Variants in GCN1 observed in about 807,000 individuals in gnomAD.
GCN1 encodes GCN1 activator of EIF2AK4, also known as stalled ribosome sensor GCN1.
In GCN1, 90 loss-of-function variants were observed where a neutral mutation model predicts 288.4. The observed-to-expected ratio is 0.31, with a 90% CI of 0.26 to 0.37. GCN1 has a LOEUF of 0.37. GCN1 is among the 10% of genes least tolerant of loss of function. The pLI is 1.00. For synonymous variants in GCN1, 1,386 were observed against 1,420.2 expected (o/e 0.98, Z 0.54); for missense variants, 2,586 against 3,419.9 (o/e 0.76, Z 6.08).
chr12:120,127,714 G>A lies in GCN1; in HGVS notation c.*135C>T. 5.3e-6 allele frequency: 5 copies of A among 950,686 alleles called. No individual in the cohort carries two copies. The highest frequency in any genetic ancestry group is 8.0e-6 in the Non-Finnish European group (5 of 627,356). 58.9% of individuals were successfully genotyped at this position (950,686 alleles called of 1,614,324 possible). ...TGTGTGGGTTTGATTTAAGGCTTTG[G>A]CTGTGGTCTATTGATATTAAAATAC... On this transcript the variant is annotated 3_prime_UTR_variant, in exon 58 of 58. Transcript: ENST00000300648.
intron 31 of GCN1, 36 bp downstream of exon 31, chr12:120,154,934 A>T (rs1025638117): frequency 6.4e-7 from 1 of 1,572,456 alleles, no homozygotes; most frequent in African/African-American, 1.3e-5. Context: ...CATCTCACAA[A>T]GCTTGGAGTA....
At chr12:120,193,849 T>C (rs183984322) in intron 1 of GCN1, among the ~76,000 whole-genome samples, 1 of 152,344 alleles carries the variant, frequency 6.6e-6, no homozygotes, top group Non-Finnish European at 1.5e-5. Flanking sequence ...GTGGTCATTT[T>C]CTGGGCCTAC....
intron 4 of GCN1, 100 bp from the exon 5 acceptor site, chr12:120,183,777 C>A: frequency 1.4e-6 from 1 of 736,440 alleles, no homozygotes; most frequent in Non-Finnish European, 2.4e-6. Context: ...ACCCTCCCTT[C>A]ACCTCATGGA....
rs773477176 is a variant in GCN1, at chr12:120,155,458, T to G, written c.3441-28A>C. 1.9e-6 allele frequency: 3 copies of G among 1,608,636 alleles called. No individual in the cohort carries two copies. Among genetic ancestry groups the G allele is most frequent in the Non-Finnish European group, 1.7e-6 (2 of 1,176,116 alleles). ...GTGGGAGATCCAAGGCAGGGGCTGC[T>G]TAGACAAAGATCTGCAGCACTTGCC... On this transcript the variant is annotated intron_variant, in intron 29 of 57. Coordinates refer to ENST00000300648, the MANE Select transcript of GCN1 (RefSeq NM_006836.2). The surrounding 1 kb of genome is among the most constrained non-coding windows in gnomAD (Gnocchi z 4.9).
rs763874347 is a variant in GCN1, at chr12:120,148,177, C to T, written c.4716G>A (p.Pro1572=). ...ACGGGAAAGGCCTACCCAGGATCTC[C>T]GGGTTCCTGATAACGGAGCCGATCT... ...LRQIGSVIRN[P]EILAIAPVLL... is the part of the protein sequence containing the mutation. The change falls in exon 37 of 58, where the codon CCG becomes CCA. Residue 1572 remains proline, a synonymous_variant. Coordinates refer to ENST00000300648, the MANE Select transcript of GCN1 (RefSeq NM_006836.2). The T allele has an allele frequency of 9.9e-6, 16 of 1,611,828 alleles. No homozygotes were observed. Among genetic ancestry groups the T allele is most frequent in the Middle Eastern group, 1.7e-4 (1 of 6,024 alleles).
chr12:120,179,942 G>C (rs1444678429), intron 5 of GCN1, among the ~76,000 whole-genome samples: 1 of 152,118 alleles, frequency 6.6e-6, no homozygotes. Flanking sequence ...TCTTGATATG[G>C]GGATTCGAAC....
chr12:120,193,851 T>C (rs1879084586), intron 1 of GCN1, among the ~76,000 whole-genome samples: 1 of 152,236 alleles, frequency 6.6e-6, no homozygotes, highest in Non-Finnish European at 1.5e-5. Flanking sequence ...GGTCATTTTC[T>C]GGGCCTACAC....
Position 120,156,419 on chromosome 12 carries a change from G to T in GCN1, c.3312+42C>A. The T allele has an allele frequency of 1.3e-6, 2 of 1,596,996 alleles. No homozygotes were observed. On this transcript the variant is annotated intron_variant, in intron 28 of 57. Coordinates refer to ENST00000300648, the MANE Select transcript of GCN1 (RefSeq NM_006836.2). The surrounding 1 kb of genome is among the most constrained non-coding windows in gnomAD (Gnocchi z 5.8). ...ATCATGCAATTTGCACTTGCATAGA[G>T]TGACAAGGGACACTGCAGTGGCTCT...
At chr12:120,141,174 C>T in intron 44 of GCN1, 151 bp from the exon 45 acceptor site, 1 of 662,534 alleles carries the variant, frequency 1.5e-6, no homozygotes, top group Non-Finnish European at 2.6e-6. Flanking sequence ...AAAGAGCCCC[C>T]AAATACTCTC....
intron 1 of GCN1, among the ~76,000 whole-genome samples, chr12:120,191,400 T>C (rs1316710718): frequency 6.6e-6 from 1 of 152,176 alleles, no homozygotes; most frequent in Admixed American, 6.5e-5. Flanking sequence ...TCCCTGAAAA[T>C]CTGCTCTTGA....
intron 1 of GCN1, among the ~76,000 whole-genome samples, chr12:120,193,533 G>A (rs1879075108): frequency 6.6e-6 from 1 of 152,222 alleles, no homozygotes; most frequent in Non-Finnish European, 1.5e-5. Flanking sequence ...TCAAACTCCT[G>A]ACCTCAACTG....
chr12:120,157,051 G>A (rs556892166), intron 26 of GCN1, 59 bp from the exon 27 acceptor site: 12 of 1,168,134 alleles, frequency 1.0e-5, no homozygotes, highest in East Asian at 4.7e-5. Context: ...TAACCCAGGC[G>A]GCCAACGGCA....
At position 120,145,345 on chromosome 12, in the gene GCN1, G is replaced by T; in HGVS notation, c.4948-15C>A. 6.4e-7 allele frequency: 1 copy of T among 1,558,246 alleles called. No individual in the cohort carries two copies. The highest frequency in any genetic ancestry group is 1.2e-5 in the South Asian group (1 of 82,366). On this transcript the variant is annotated splice_polypyrimidine_tract_variant and intron_variant, in intron 38 of 57. Transcript: ENST00000300648. ...GGAGCCAAGTCCTGCAACAACACAG[G>T]AGGCGGCTCAGGTGAGGCCCGACTC...
intron 38 of GCN1, 131 bp downstream of exon 38, chr12:120,146,921 T>C (rs1877381633): frequency 3.8e-6 from 2 of 528,464 alleles, no homozygotes; most frequent in South Asian, 1.2e-4. Flanking sequence ...AAATGGCTCA[T>C]TTCTCCCCAT....
chr12:120,144,926 G>C lies in GCN1; in HGVS notation c.5152C>G (p.Gln1718Glu), dbSNP rs1877316336. The C allele has an allele frequency of 6.2e-7, 1 of 1,614,082 alleles. No individual in the cohort carries two copies. The highest frequency in any genetic ancestry group is 8.5e-7 in the Non-Finnish European group (1 of 1,180,038). Reference protein sequence around the residue: ...QSSVDRSGAAQGLAEVMAGLG... With the variant: ...QSSVDRSGAAEGLAEVMAGLG... ...ACTGGACCTGCTCTGGCCTTACCCT[G>C]TGCAGCGCCTGAGCGATCCACAGAG... The change falls in exon 40 of 58, where the codon CAG becomes GAG. Residue 1718 changes from glutamine to glutamate, a missense_variant. Transcript: ENST00000300648. This position sits in a 1 kb window ranked among gnomAD's most constrained non-coding sequence, Gnocchi z 4.7.
rs1235840296 is a variant in GCN1 at position 120,158,435 on chromosome 12, C to T, written c.2905+25G>A. On this transcript the variant is annotated intron_variant, in intron 25 of 57. Transcript: ENST00000300648. The surrounding 1 kb of genome is among the most constrained non-coding windows in gnomAD (Gnocchi z 4.3). Reference sequence around the variant, plus strand: ...TGGCACCAGCTCACACCGCCTGGTGCCCCTGATCCCGTCCCAGCCCTTACC... The same window carrying T: ...TGGCACCAGCTCACACCGCCTGGTGTCCCTGATCCCGTCCCAGCCCTTACC... The T allele has an allele frequency of 2.0e-6, 3 of 1,526,324 alleles. No homozygotes were observed. The highest frequency in any genetic ancestry group is 4.9e-5 in the East Asian group (2 of 40,766). The allele number at this position is 1,526,324 out of a possible 1,614,324, so 94.5% of individuals were successfully genotyped here.
At chr12:120,190,117 G>A (rs1050835290) in intron 2 of GCN1, among the ~76,000 whole-genome samples, 181 bp downstream of exon 2, 1 of 151,734 alleles carries the variant, frequency 6.6e-6, no homozygotes, top group African/African-American at 2.4e-5. Context: ...CCAGCTACTC[G>A]GGAGGCTGAG....
chr12:120,174,913 G>A (rs531911991), intron 12 of GCN1, among the ~76,000 whole-genome samples: 5 of 151,258 alleles, frequency 3.3e-5, no homozygotes, highest in South Asian at 2.1e-4. Flanking sequence ...ATCACTTGAC[G>A]CCAGGAGTTC....
chr12:120,174,178 C>T lies in GCN1; in HGVS notation c.1094-9G>A, dbSNP rs1878399079. ...ACTGACGCTCCCAATCCCTAAAAGG[C>T]AGATTCCCTGTTCAGTCTCTTATCA... is the stretch of plus-strand genomic sequence containing the variant. On this transcript the variant is annotated splice_polypyrimidine_tract_variant and intron_variant, in intron 12 of 57. Transcript: ENST00000300648. The T allele has an allele frequency of 1.3e-6, 2 of 1,504,944 alleles. No individual in the cohort carries two copies. The highest frequency in any genetic ancestry group is 1.9e-6 in the Non-Finnish European group (2 of 1,080,536). 93.2% of individuals were successfully genotyped at this position (1,504,944 alleles called of 1,614,324 possible). A position where few individuals can be genotyped will look rare whatever the true frequency, so the allele number is the denominator to read the frequency against.
Sources: gnomAD v4.1 joint callset for allele counts (sites outside exome capture counted in the v4.1 genomes callset) on GRCh38, gnomAD v4.1.1 for gene constraint, Gnocchi (gnomAD v3.1) non-coding constraint, MANE v1.5 for transcripts, NCBI Gene and HGNC (gene_info 2026-07-23, HGNC 2026-07-21) for gene names.